Variants in ASTN2 observed in about 807,000 individuals in gnomAD.
ASTN2 encodes the protein astrotactin-2.
Under a neutral mutation model 139.8 loss-of-function variants are expected in ASTN2, and 54 were observed. The observed-to-expected ratio is 0.39, with a 90% CI of 0.31 to 0.48. The LOEUF (loss-of-function observed/expected upper bound fraction) is 0.48. Among genes scored for constraint, ASTN2 ranks in the 20% least tolerant of loss-of-function variants. The pLI, the probability that ASTN2 is intolerant of heterozygous loss-of-function variation, is 0.95. For missense variants in ASTN2, 1,565 were observed against 1,725.1 expected (o/e 0.91, Z 1.64); for synonymous variants, 756 against 719.5 (o/e 1.05, Z -0.81).
At chr9:116,621,126 A>G (rs1403141908) in intron 17 of ASTN2, among the ~76,000 whole-genome samples, 1 of 152,150 alleles carries the variant, frequency 6.6e-6, no homozygotes, top group African/African-American at 2.4e-5. Context: ...ATGTGCTCTA[A>G]ATCAGGAGCC....
chr9:116,858,479 C>T (rs1349661702), intron 11 of ASTN2, among the ~76,000 whole-genome samples: 1 of 152,102 alleles, frequency 6.6e-6, no homozygotes, highest in Non-Finnish European at 1.5e-5. Flanking sequence ...GTGGAAGTGT[C>T]CTCCATACGA....
chr9:116,702,569 GT>G (rs1827859413), intron 16 of ASTN2, among the ~76,000 whole-genome samples: 2 of 152,104 alleles, frequency 1.3e-5, no homozygotes, highest in African/African-American at 4.8e-5. Context: ...ATGGTGCCTA[GT>G]ATAGAATATG....
intron 7 of ASTN2, among the ~76,000 whole-genome samples, chr9:116,983,203 T>G (rs1836560642): frequency 6.6e-6 from 1 of 152,202 alleles, no homozygotes; most frequent in Non-Finnish European, 1.5e-5. Flanking sequence ...CCCTTCCCCA[T>G]GTTGACTCCA....
chr9:116,463,801 T>G (rs1028677370), intron 20 of ASTN2, among the ~76,000 whole-genome samples: 2 of 152,150 alleles, frequency 1.3e-5, no homozygotes, highest in Non-Finnish European at 2.9e-5. Flanking sequence ...GCATGTTATC[T>G]GTCTGTTTGT....
At chr9:116,567,567 G>A (rs1459467550) in intron 19 of ASTN2, among the ~76,000 whole-genome samples, 2 of 152,178 alleles carry the variant, frequency 1.3e-5, no homozygotes. Flanking sequence ...GTCACAGGAG[G>A]CTTGTGACAT....
At chr9:117,216,467 C>T (rs967414960) in intron 2 of ASTN2, among the ~76,000 whole-genome samples, 17 of 152,254 alleles carry the variant, frequency 1.1e-4, no homozygotes, top group African/African-American at 4.1e-4. Context: ...GATGTCATAA[C>T]ATAAAAACAA....
chr9:117,262,884 G>A (rs1243220873), intron 2 of ASTN2, among the ~76,000 whole-genome samples: 1 of 152,162 alleles, frequency 6.6e-6, no homozygotes, highest in East Asian at 1.9e-4. Context: ...TATTGGCTTT[G>A]CAGATGGAGG....
intron 3 of ASTN2, among the ~76,000 whole-genome samples, chr9:117,172,962 T>A (rs982025298): frequency 3.9e-5 from 6 of 152,110 alleles, no homozygotes; most frequent in Admixed American, 1.3e-4. Context: ...CAACTAAGCA[T>A]TCGCAGTTAC....
chr9:117,076,529 G>A (rs1293573085), intron 5 of ASTN2, among the ~76,000 whole-genome samples: 1 of 152,098 alleles, frequency 6.6e-6, no homozygotes, highest in Non-Finnish European at 1.5e-5. Flanking sequence ...CCATCAGAAG[G>A]TTTCAACAAA....
At chr9:116,922,961 G>A (rs958621108) in intron 10 of ASTN2, among the ~76,000 whole-genome samples, 8 of 152,168 alleles carry the variant, frequency 5.3e-5, no homozygotes, top group African/African-American at 1.4e-4. Flanking sequence ...GGGCCTTATA[G>A]GGCAGAGGTG....
intron 13 of ASTN2, among the ~76,000 whole-genome samples, chr9:116,798,772 A>G (rs1830765215): frequency 6.6e-6 from 1 of 152,238 alleles, no homozygotes; most frequent in Admixed American, 6.5e-5. Context: ...ATGGAAGCAC[A>G]GAAAGGTGAT....
intron 16 of ASTN2, among the ~76,000 whole-genome samples, chr9:116,703,729 T>TTA (rs1554734596): frequency 6.9e-6 from 1 of 145,756 alleles, no homozygotes; most frequent in Non-Finnish European, 1.5e-5. Context: ...AGTATAATAA[T>TTA]AAAAAAAAAA....
chr9:117,182,867 A>C (rs527539601), intron 3 of ASTN2, among the ~76,000 whole-genome samples: 1 of 152,294 alleles, frequency 6.6e-6, no homozygotes, highest in African/African-American at 2.4e-5. Flanking sequence ...AAGCAAGCCA[A>C]GTTTTTATTT....
At chr9:117,374,369 T>TAAAAAAAAAAAAAAA (rs57428022) in intron 1 of ASTN2, among the ~76,000 whole-genome samples, 16 of 87,328 alleles carry the variant, frequency 1.8e-4, no homozygotes, top group African/African-American at 7.7e-4. Context: ...AGGGCAGGGT[T>TAAAAAAAAAAAAAAA]AAAAAAAAAA....
intron 10 of ASTN2, among the ~76,000 whole-genome samples, chr9:116,920,143 G>C (rs1453086213): frequency 6.6e-6 from 1 of 152,078 alleles, no homozygotes; most frequent in African/African-American, 2.4e-5. Context: ...GATGGTCTGA[G>C]CTCTAAAAGT....
intron 3 of ASTN2, among the ~76,000 whole-genome samples, chr9:117,202,603 A>T (rs1162718805): frequency 6.6e-6 from 1 of 152,136 alleles, no homozygotes; most frequent in Non-Finnish European, 1.5e-5. Flanking sequence ...TATGAAGCTT[A>T]GTTTGGCTAG....
chr9:117,118,326 C>G (rs1829455588), intron 4 of ASTN2, among the ~76,000 whole-genome samples: 1 of 151,906 alleles, frequency 6.6e-6, no homozygotes, highest in Non-Finnish European at 1.5e-5. Flanking sequence ...ATGAACTTAC[C>G]CAGACCAAAA....
chr9:117,157,062 T>C (rs1588025340), intron 3 of ASTN2, among the ~76,000 whole-genome samples: 1 of 151,978 alleles, frequency 6.6e-6, no homozygotes, highest in East Asian at 1.9e-4. Context: ...GTTATCTAGC[T>C]CTCCGCAGAA....
At chr9:117,407,445 T>A (rs1014843477) in intron 1 of ASTN2, among the ~76,000 whole-genome samples, 4 of 152,136 alleles carry the variant, frequency 2.6e-5, no homozygotes, top group Non-Finnish European at 4.4e-5. Context: ...TAGAGAGAAG[T>A]GTTGAGGCCT....
Sources: allele counts gnomAD v4.1 joint callset (sites outside exome capture counted in the v4.1 genomes callset), GRCh38; gene constraint gnomAD v4.1.1; transcripts MANE v1.5; gene names NCBI Gene and HGNC (gene_info 2026-07-23, HGNC 2026-07-21).